KIAA1217: variants seen among roughly 807,000 people sequenced by gnomAD.
KIAA1217 encodes the protein KIAA1217.
In KIAA1217, 88 loss-of-function variants were observed where a neutral mutation model predicts 163.9. The observed-to-expected ratio is 0.54, with a 90% CI of 0.45 to 0.64. The LOEUF is 0.64. Among genes scored for constraint, KIAA1217 ranks in the 30% least tolerant of loss-of-function variants. The probability of loss-of-function intolerance (pLI) is 0.00; values close to 1 mark genes in which losing one functional copy is unlikely to be tolerated. For missense variants in KIAA1217, 2,372 were observed against 2,475.0 expected (o/e 0.96, Z 0.88); for synonymous variants, 903 against 923.1 (o/e 0.98, Z 0.39).
intron 5 of KIAA1217, among the ~76,000 whole-genome samples, chr10:24,462,731 G>A (rs1269987313): frequency 6.6e-6 from 1 of 152,168 alleles, no homozygotes; most frequent in Non-Finnish European, 1.5e-5. Context: ...TGTGGGTGGG[G>A]TATGGTGAGC....
intron 5 of KIAA1217, among the ~76,000 whole-genome samples, chr10:24,452,679 C>CA (rs1331069997): frequency 0.019 from 1,187 of 63,806 alleles, 19 homozygotes; most frequent in South Asian, 0.06. Context: ...AAGACTGTCT[C>CA]AAAAAAAAAA....
intron 2 of KIAA1217, among the ~76,000 whole-genome samples, chr10:24,301,296 T>C (rs1262841822): frequency 2.0e-5 from 3 of 152,130 alleles, no homozygotes; most frequent in Non-Finnish European, 2.9e-5. Flanking sequence ...ACTGAGGTGT[T>C]AAAAACACCA....
intron 1 of KIAA1217, among the ~76,000 whole-genome samples, chr10:23,992,397 C>T (rs1318078785): frequency 6.6e-6 from 1 of 151,444 alleles, no homozygotes; most frequent in Non-Finnish European, 1.5e-5. Context: ...CAATCCTTGC[C>T]TACCCCATTG....
intron 2 of KIAA1217, among the ~76,000 whole-genome samples, chr10:24,036,822 C>T (rs76179328): frequency 0.015 from 2,289 of 152,286 alleles, 74 homozygotes; most frequent in African/African-American, 0.053. Context: ...CAAACACCTC[C>T]ACTAGGCCCA....
intron 2 of KIAA1217, among the ~76,000 whole-genome samples, chr10:24,298,273 C>G (rs1452805249): frequency 6.6e-6 from 1 of 150,478 alleles, no homozygotes; most frequent in Non-Finnish European, 1.5e-5. Flanking sequence ...TTGAAATGTT[C>G]CTTATTTGTT....
intron 3 of KIAA1217, among the ~76,000 whole-genome samples, chr10:24,411,235 G>C (rs1479558787): frequency 6.6e-6 from 1 of 152,038 alleles, no homozygotes; most frequent in African/African-American, 2.4e-5. Flanking sequence ...ATTTACTGCT[G>C]TGTGTGACTG....
chr10:24,362,221 T>C lies in KIAA1217; in HGVS notation c.355-18648T>C, dbSNP rs190404960. On this transcript the variant is annotated intron_variant, in intron 2 of 20. Coordinates refer to ENST00000376454, the MANE Select transcript of KIAA1217 (RefSeq NM_019590.5). ...CTCCCAGCAACCTATTATGATCCAT[T>C]GCCACACCAACTTGCTGATGAGGAA... is the stretch of plus-strand genomic sequence containing the variant. 3.2e-3 allele frequency among the ~76,000 whole-genome samples: 488 copies of C among 152,238 alleles called. 2 individuals carry two copies. The highest frequency in any genetic ancestry group is 5.1e-3 in the Admixed American group (78 of 15,296).
At chr10:23,872,485 C>T (rs971861859) in intron 1 of KIAA1217, among the ~76,000 whole-genome samples, 2 of 152,102 alleles carry the variant, frequency 1.3e-5, no homozygotes, top group African/African-American at 4.8e-5. Flanking sequence ...TGCAAGACTG[C>T]ATCACACGAG....
At chr10:24,516,328 T>A (rs547737561) in intron 10 of KIAA1217, among the ~76,000 whole-genome samples, 1 of 152,350 alleles carries the variant, frequency 6.6e-6, no homozygotes, top group East Asian at 1.9e-4. Context: ...ATTTGCACAC[T>A]GACTTCCTGT....
intron 1 of KIAA1217, among the ~76,000 whole-genome samples, chr10:23,941,442 A>G (rs981434278): frequency 2.0e-5 from 3 of 152,210 alleles, no homozygotes; most frequent in Admixed American, 6.5e-5. Flanking sequence ...TTGACCCTGG[A>G]TAATGGGACC....
chr10:24,520,972 G>A (rs974570878), intron 11 of KIAA1217, among the ~76,000 whole-genome samples: 11 of 145,150 alleles, frequency 7.6e-5, no homozygotes, highest in African/African-American at 2.1e-4. Flanking sequence ...CAGGAAAATC[G>A]CCTGAGGCCA....
chr10:24,095,783 G>A (rs2062134535), intron 2 of KIAA1217, among the ~76,000 whole-genome samples: 1 of 152,058 alleles, frequency 6.6e-6, no homozygotes, highest in African/African-American at 2.4e-5. Context: ...ATACCTCTTA[G>A]AGGTATCCAA....
intron 1 of KIAA1217, among the ~76,000 whole-genome samples, chr10:23,759,092 T>G (rs1466178844): frequency 6.6e-6 from 1 of 152,238 alleles, no homozygotes; most frequent in African/African-American, 2.4e-5. Flanking sequence ...CTTTAGTTTG[T>G]TTCAGAACTG....
intron 1 of KIAA1217, among the ~76,000 whole-genome samples, chr10:23,846,468 C>G (rs1839035115): frequency 6.6e-6 from 1 of 151,858 alleles, no homozygotes; most frequent in Non-Finnish European, 1.5e-5. Flanking sequence ...AGTTGTATTC[C>G]TAGGCTTTTA....
intron 2 of KIAA1217, among the ~76,000 whole-genome samples, chr10:24,039,508 ACT>A (rs751576230): frequency 2.2e-4 from 33 of 152,084 alleles, no homozygotes; most frequent in Non-Finnish European, 4.1e-4. Flanking sequence ...AATGACAGAT[ACT>A]CTATAGTGTT....
intron 1 of KIAA1217, among the ~76,000 whole-genome samples, chr10:23,981,841 A>G (rs1041240544): frequency 2.6e-5 from 4 of 152,056 alleles, no homozygotes; most frequent in Non-Finnish European, 5.9e-5. Context: ...ATGCAAATAT[A>G]TCAGTAACAT....
chr10:24,447,698 A>G (rs938613841), intron 5 of KIAA1217, among the ~76,000 whole-genome samples: 3 of 152,222 alleles, frequency 2.0e-5, no homozygotes, highest in African/African-American at 7.2e-5. Flanking sequence ...TTATCTACTA[A>G]GAGCGATACA....
chr10:24,522,683 G>A (rs1387745469), intron 12 of KIAA1217, among the ~76,000 whole-genome samples: 4 of 152,236 alleles, frequency 2.6e-5, no homozygotes, highest in African/African-American at 9.7e-5. Flanking sequence ...ACATATGCAT[G>A]CAAAATTTGT....
intron 2 of KIAA1217, among the ~76,000 whole-genome samples, chr10:24,029,130 AT>A (rs915190015): frequency 2.0e-5 from 3 of 152,090 alleles, no homozygotes; most frequent in Non-Finnish European, 2.9e-5. Flanking sequence ...TTTGTCTATG[AT>A]TTTTTTAGGG....
Sources: allele counts gnomAD v4.1 joint callset (sites outside exome capture counted in the v4.1 genomes callset), GRCh38; gene constraint gnomAD v4.1.1; transcripts MANE v1.5; gene names NCBI Gene and HGNC (gene_info 2026-07-23, HGNC 2026-07-21).